F11: variants seen among roughly 807,000 people sequenced by gnomAD.
F11 encodes coagulation factor XI, also known as coagualtion factor XI.
In F11, 78 loss-of-function variants were observed where a neutral mutation model predicts 76.5. The observed-to-expected ratio is 1.02, with a 90% CI of 0.85 to 1.23. F11 has a LOEUF of 1.23. Ranked by LOEUF, F11 falls within the 50% of genes most tolerant of loss-of-function variation. The pLI is 0.00. For synonymous variants in F11, 278 were observed against 276.3 expected (o/e 1.01, Z -0.06); for missense variants, 742 against 771.4 (o/e 0.96, Z 0.45).
chr4:186,267,023 TATTGA>T (rs1157908433), intron 1 of F11, 108 bp from the exon 2 acceptor site: 3 of 739,148 alleles, frequency 4.1e-6, no homozygotes, highest in Non-Finnish European at 7.4e-6. Context: ...CTGTGAATGC[TATTGA>T]ATTAACTACT....
chr4:186,287,045 C>T (rs1741256246), intron 13 of F11, among the ~76,000 whole-genome samples: 1 of 151,992 alleles, frequency 6.6e-6, no homozygotes, highest in African/African-American at 2.4e-5. Context: ...ACGATCTCGG[C>T]TCACTGTTAC....
chr4:186,268,176 T>C (rs1219416059), intron 2 of F11, among the ~76,000 whole-genome samples: 1 of 151,890 alleles, frequency 6.6e-6, no homozygotes, highest in Non-Finnish European at 1.5e-5. Context: ...ATGTGCAGAG[T>C]TTTTTCTTGT....
At chr4:186,282,891 C>G (rs918878747) in intron 10 of F11, 1 of 985,252 alleles carries the variant, frequency 1.0e-6, no homozygotes, top group African/African-American at 1.7e-5. Context: ...ATTATACACT[C>G]ATTTTCCTAC....
rs751140931 is a variant in F11 at position 186,280,493 on chromosome 4, C to A, written c.1048C>A (p.Leu350Ile). 2.3e-5 allele frequency: 37 copies of A among 1,614,004 alleles called. No homozygotes were observed. The highest frequency in any genetic ancestry group is 3.1e-5 in the Non-Finnish European group (37 of 1,180,014). Residue 350 changes from leucine (L) to isoleucine (I), a missense_variant, in exon 10 of 15, where the codon CTT (leucine) becomes ATT (isoleucine). Transcript: ENST00000403665. ...NEGKGKCYLK[L>I]SSNGSPTKIL... Reference sequence around the variant, plus strand: ...CTGCAGGGGCAAGTGTTACTTAAAGCTTTCTTCAAACGGATCTCCAACTAA... The same window carrying A: ...CTGCAGGGGCAAGTGTTACTTAAAGATTTCTTCAAACGGATCTCCAACTAA...
At chr4:186,281,870 A>G (rs2126764825) in intron 10 of F11, 1 of 1,210,054 alleles carries the variant, frequency 8.3e-7, no homozygotes, top group African/African-American at 1.5e-5. Context: ...CTTGTTTTGT[A>G]GAACATAAAG....
Position 186,273,721 on chromosome 4 carries a change from G to A in F11, c.326-395G>A, listed in dbSNP as rs987126671. On this transcript the variant is annotated intron_variant, in intron 4 of 14. Transcript: ENST00000403665. ...GCCCGCCTCGGCCTTCCAGAGTGCC[G>A]GGATTCCATGGTGCCCAGTCGAAAT... Among the ~76,000 whole-genome samples the A allele has an allele frequency of 5.3e-5, 8 of 152,256 alleles. No individual in the cohort carries two copies. In the South Asian group the frequency reaches 6.2e-4, roughly 12 times the overall value.
In F11 at chr4:186,285,090, CT is replaced by C. The variant is rs1381428352; in HGVS notation, c.1305-545del. Among the ~76,000 whole-genome samples the C allele has an allele frequency of 7.2e-5, 11 of 152,286 alleles. No individual in the cohort carries two copies. The East Asian group carries it at 1.9e-3, about 27-fold the overall frequency. On this transcript the variant is annotated intron_variant, in intron 11 of 14. Transcript: ENST00000403665. ...TTCCAGGGAAGTTAAGTTGGCCAAA[CT>C]TTCCGTTTGCTACTTCAGTATCCTC...
At chr4:186,286,560 A>G (rs750001142) in intron 13 of F11, 50 bp downstream of exon 13, 2 of 1,607,780 alleles carry the variant, frequency 1.2e-6, no homozygotes, top group Non-Finnish European at 1.7e-6. Context: ...GAAGAGCGGA[A>G]CCTTTTCTGC....
chr4:186,285,358 G>A (rs763617968), intron 11 of F11, among the ~76,000 whole-genome samples: 14 of 151,524 alleles, frequency 9.2e-5, no homozygotes, highest in African/African-American at 1.7e-4. Context: ...TGCAGTGTGC[G>A]TGTGTGTGCG....
intron 3 of F11, 64 bp downstream of exon 3, chr4:186,271,835 C>A: frequency 1.3e-6 from 2 of 1,514,812 alleles, no homozygotes; most frequent in Non-Finnish European, 1.8e-6. Flanking sequence ...ATTCTTAACA[C>A]ATTTCCATCT....
rs10535096 is a variant in F11, at chr4:186,270,649, G to GCACA, written c.56-943_56-940dup. 6.9e-3 allele frequency among the ~76,000 whole-genome samples: 1,044 copies of GCACA among 150,562 alleles called. 8 individuals carry two copies. The highest frequency in any genetic ancestry group is 0.012 in the Admixed American group (176 of 15,078). ...TATTCTAAGGAAATTAGTGCATGAT[G>GCACA]CACACACACACACACACACAGAACA... On this transcript the variant is annotated intron_variant, in intron 2 of 14. Transcript: ENST00000403665.
At chr4:186,269,594 G>C (rs1215689236) in intron 2 of F11, among the ~76,000 whole-genome samples, 1 of 152,148 alleles carries the variant, frequency 6.6e-6, no homozygotes, top group Non-Finnish European at 1.5e-5. Flanking sequence ...AGGGGCCGAG[G>C]GGCCAGGGGA....
At chr4:186,284,640 T>C (rs1285950411) in intron 11 of F11, among the ~76,000 whole-genome samples, 5 of 151,220 alleles carry the variant, frequency 3.3e-5, no homozygotes, top group Admixed American at 6.6e-5. Context: ...TGTGTGTGTG[T>C]GCGTGTGTGT....
chr4:186,288,673 G>A lies in F11; in HGVS notation c.*59G>A. 6.4e-7 allele frequency: 1 copy of A among 1,560,906 alleles called. No homozygotes were observed. Among genetic ancestry groups the A allele is most frequent in the Non-Finnish European group, 8.7e-7 (1 of 1,145,668 alleles). Reference sequence around the variant, plus strand: ...GACCCAGGATTTGCTGGGAGAGGGTGTTGAGTTCACTGTGCCAGCATGCTT... The same window carrying A: ...GACCCAGGATTTGCTGGGAGAGGGTATTGAGTTCACTGTGCCAGCATGCTT... On this transcript the variant is annotated 3_prime_UTR_variant, in exon 15 of 15. Coordinates refer to ENST00000403665, the MANE Select transcript of F11 (RefSeq NM_000128.4).
At chr4:186,271,383 A>G (rs1739940897) in intron 2 of F11, among the ~76,000 whole-genome samples, 2 of 152,224 alleles carry the variant, frequency 1.3e-5, no homozygotes, top group African/African-American at 4.8e-5. Context: ...ACAATCACTC[A>G]TAAGCACAAT....
chr4:186,281,775 C>T (rs942309047), intron 10 of F11, among the ~76,000 whole-genome samples: 1 of 152,174 alleles, frequency 6.6e-6, no homozygotes, highest in African/African-American at 2.4e-5. Flanking sequence ...AATCCTGCCT[C>T]GTGATAGTTT....
chr4:186,274,159 A>G lies in F11; in HGVS notation c.369A>G (p.Ile123Met). The G allele has an allele frequency of 6.2e-7, 1 of 1,614,202 alleles. No homozygotes were observed. Among genetic ancestry groups the G allele is most frequent in the Middle Eastern group, 1.6e-4 (1 of 6,062 alleles). Residue 123 changes from isoleucine to methionine, a missense_variant, in exon 5 of 15, where the codon ATA becomes ATG. Coordinates refer to ENST00000403665, the MANE Select transcript of F11 (RefSeq NM_000128.4). ...ATGTGGACCTAGACATGAAGGGCAT[A>G]AACTATAACAGCTCAGTTGCCAAGA... ...DIYVDLDMKG[I>M]NYNSSVAKSA...
At chr4:186,286,082 T>C (rs1400692180) in intron 12 of F11, 2 of 548,246 alleles carry the variant, frequency 3.6e-6, no homozygotes, top group Non-Finnish European at 6.5e-6. Flanking sequence ...TACTTTGGAA[T>C]AGTAAAGATA....
In F11 at chr4:186,267,073, CAGTAAACTAATTATAAATTT is replaced by C. The variant is rs1739561652; in HGVS notation, c.-1-61_-1-42del. ...CCCTATTTCTTGTAAGTCTTAGTGTCAGTAAACTAATTATAAATTTACATTTTATGTTCTAAAAGCATGCA... is the reference window on the plus strand; with the variant it reads ...CCCTATTTCTTGTAAGTCTTAGTGTCACATTTTATGTTCTAAAAGCATGCA... On this transcript the variant is annotated intron_variant, in intron 1 of 14. Transcript: ENST00000403665. 4.2e-5 allele frequency: 44 copies of C among 1,040,506 alleles called. 1 individual carries two copies. In the South Asian group the frequency reaches 5.3e-4, roughly 13 times the overall value. 64.5% of individuals were successfully genotyped at this position (1,040,506 alleles called of 1,614,324 possible). A position where few individuals can be genotyped will look rare whatever the true frequency, so the allele number is the denominator to read the frequency against.
Sources: gnomAD v4.1 joint callset for allele counts (sites outside exome capture counted in the v4.1 genomes callset) on GRCh38, gnomAD v4.1.1 for gene constraint, MANE v1.5 for transcripts, NCBI Gene and HGNC (gene_info 2026-07-23, HGNC 2026-07-21) for gene names.